NMNAT2: variants seen among roughly 807,000 people sequenced by gnomAD.
NMNAT2 encodes the protein nicotinamide nucleotide adenylyltransferase 2, also known as nicotinamide/nicotinic acid mononucleotide adenylyltransferase 2.
Under a neutral mutation model 41.6 loss-of-function variants are expected in NMNAT2, and 11 were observed. The observed-to-expected ratio is 0.26, with a 90% CI of 0.17 to 0.44. NMNAT2 has a LOEUF of 0.44. NMNAT2 is among the 20% of genes least tolerant of loss of function. NMNAT2 has a pLI of 1.00. For synonymous variants in NMNAT2, 148 were observed against 151.2 expected (o/e 0.98, Z 0.16); for missense variants, 288 against 407.7 (o/e 0.71, Z 2.53).
chr1:183,392,259 A>G (rs1186493057), intron 1 of NMNAT2, among the ~76,000 whole-genome samples: 1 of 152,182 alleles, frequency 6.6e-6, no homozygotes, highest in Non-Finnish European at 1.5e-5. Context: ...CCAAGGGTTC[A>G]GGCCAAAAGC....
At chr1:183,409,662 T>C (rs1352027387) in intron 1 of NMNAT2, among the ~76,000 whole-genome samples, 1 of 152,162 alleles carries the variant, frequency 6.6e-6, no homozygotes, top group Non-Finnish European at 1.5e-5. Context: ...GATCAAGACC[T>C]CCAGGATTAG....
intron 1 of NMNAT2, among the ~76,000 whole-genome samples, chr1:183,359,795 G>A (rs908895284): frequency 2.0e-5 from 3 of 152,154 alleles, no homozygotes. Context: ...GATTGAAAAG[G>A]CAGGAAGCCC....
intron 1 of NMNAT2, among the ~76,000 whole-genome samples, chr1:183,329,412 C>T (rs1282934661): frequency 1.3e-5 from 2 of 152,040 alleles, no homozygotes; most frequent in Non-Finnish European, 2.9e-5. Flanking sequence ...CCATTTTAAC[C>T]CATTAAAGTG....
At chr1:183,300,408 T>C (rs1449629902) in intron 1 of NMNAT2, among the ~76,000 whole-genome samples, 1 of 107,430 alleles carries the variant, frequency 9.3e-6, no homozygotes, top group South Asian at 2.9e-4. Flanking sequence ...AGACTCCATC[T>C]AAAAAAAAGA....
intron 1 of NMNAT2, among the ~76,000 whole-genome samples, chr1:183,310,075 T>G (rs1557874352): frequency 6.6e-6 from 1 of 152,172 alleles, no homozygotes; most frequent in Non-Finnish European, 1.5e-5. Context: ...AAAAGATGAA[T>G]TTGGTGACCT....
intron 8 of NMNAT2, among the ~76,000 whole-genome samples, chr1:183,261,671 AG>A (rs773750400): frequency 7.2e-5 from 11 of 152,216 alleles, no homozygotes; most frequent in Non-Finnish European, 1.5e-4. Flanking sequence ...CACCCTCTGG[AG>A]TGAAACAGAT....
intron 8 of NMNAT2, among the ~76,000 whole-genome samples, chr1:183,275,733 C>T (rs1016872333): frequency 2.6e-5 from 4 of 151,968 alleles, no homozygotes; most frequent in Non-Finnish European, 4.4e-5. Flanking sequence ...AGTGCAATGG[C>T]GTGATCTCAG....
At chr1:183,264,634 A>G (rs1660757122) in intron 8 of NMNAT2, among the ~76,000 whole-genome samples, 1 of 152,148 alleles carries the variant, frequency 6.6e-6, no homozygotes, top group South Asian at 2.1e-4. Context: ...TTGCTCAATG[A>G]ACTGCGCTGC....
intron 1 of NMNAT2, among the ~76,000 whole-genome samples, chr1:183,407,945 C>T (rs1649006838): frequency 6.6e-6 from 1 of 152,164 alleles, no homozygotes; most frequent in Admixed American, 6.5e-5. Flanking sequence ...AATCAATGTC[C>T]ACTGTAAACC....
chr1:183,397,527 G>T (rs1033891540), intron 1 of NMNAT2, among the ~76,000 whole-genome samples: 4 of 152,084 alleles, frequency 2.6e-5, no homozygotes, highest in African/African-American at 9.7e-5. Context: ...AACCCAGCAA[G>T]GTAGGCCAAC....
At chr1:183,350,062 C>T (rs1663013448) in intron 1 of NMNAT2, among the ~76,000 whole-genome samples, 2 of 152,302 alleles carry the variant, frequency 1.3e-5, no homozygotes, top group South Asian at 4.2e-4. Flanking sequence ...ACATTGAAAC[C>T]CTGCTGTGCA....
chr1:183,354,384 A>G (rs1292780442), intron 1 of NMNAT2, among the ~76,000 whole-genome samples: 1 of 137,522 alleles, frequency 7.3e-6, no homozygotes, highest in Non-Finnish European at 1.6e-5. Flanking sequence ...ATTTAATCTT[A>G]CTTGCCTGTG....
chr1:183,320,764 C>T (rs1662342066), intron 1 of NMNAT2, among the ~76,000 whole-genome samples: 1 of 152,196 alleles, frequency 6.6e-6, no homozygotes, highest in Non-Finnish European at 1.5e-5. Context: ...CTAACCTCTT[C>T]ATTTTACAGA....
intron 8 of NMNAT2, among the ~76,000 whole-genome samples, chr1:183,263,769 C>A (rs1480104673): frequency 6.6e-6 from 1 of 151,974 alleles, no homozygotes; most frequent in Non-Finnish European, 1.5e-5. Flanking sequence ...GATCGCGCCA[C>A]TGCACTCCAG....
intron 1 of NMNAT2, among the ~76,000 whole-genome samples, chr1:183,366,327 C>G (rs964348783): frequency 1.3e-5 from 2 of 152,212 alleles, no homozygotes; most frequent in Non-Finnish European, 2.9e-5. Flanking sequence ...ATAGTATCTA[C>G]TTCATAGGGT....
At chr1:183,358,724 C>G (rs935881881) in intron 1 of NMNAT2, among the ~76,000 whole-genome samples, 2 of 152,206 alleles carry the variant, frequency 1.3e-5, no homozygotes, top group South Asian at 4.1e-4. Context: ...CCTAAACATA[C>G]TGAGTCCTAG....
intron 8 of NMNAT2, chr1:183,266,945 C>T (rs528376717): frequency 2.0e-4 from 33 of 164,484 alleles, no homozygotes; most frequent in African/African-American, 5.8e-4. Context: ...AGGCAACAAT[C>T]GGATATGGAA....
At chr1:183,323,216 GC>G (rs1662389198) in intron 1 of NMNAT2, among the ~76,000 whole-genome samples, 1 of 152,170 alleles carries the variant, frequency 6.6e-6, no homozygotes, top group African/African-American at 2.4e-5. Flanking sequence ...ACAGGCGTGA[GC>G]CACCGCACCT....
chr1:183,379,869 A>G (rs1663764371), intron 1 of NMNAT2, among the ~76,000 whole-genome samples: 1 of 152,244 alleles, frequency 6.6e-6, no homozygotes, highest in Non-Finnish European at 1.5e-5. Flanking sequence ...AGATAAACAG[A>G]GAACCCATTT....
Sources: gnomAD v4.1 joint callset for allele counts (sites outside exome capture counted in the v4.1 genomes callset) on GRCh38, gnomAD v4.1.1 for gene constraint, MANE v1.5 for transcripts, NCBI Gene and HGNC (gene_info 2026-07-23, HGNC 2026-07-21) for gene names.